Variants in PDS5B observed in about 807,000 individuals in gnomAD.
PDS5B encodes the protein PDS5 cohesin associated factor B.
Under a neutral mutation model 184.1 loss-of-function variants are expected in PDS5B, and 51 were observed. The observed-to-expected ratio is 0.28, with a 90% confidence interval of 0.22 to 0.35. PDS5B has a LOEUF of 0.35. PDS5B is among the 10% of genes least tolerant of loss of function. The probability of loss-of-function intolerance (pLI) is 1.00; values close to 1 mark genes in which losing one functional copy is unlikely to be tolerated. For synonymous variants in PDS5B, 566 were observed against 569.2 expected, an observed-to-expected ratio of 0.99 and a Z score of 0.08; for missense variants, 1,180 against 1,723.3, an observed-to-expected ratio of 0.68 and a Z score of 5.58.
At chr13:32,740,190 TG>T (rs1185491935) in intron 21 of PDS5B, among the ~76,000 whole-genome samples, 6 of 152,310 alleles carry the variant, frequency 3.9e-5, no homozygotes, top group African/African-American at 1.2e-4. Context: ...TTCAGAGCAT[TG>T]TTTTTTTGGC....
At chr13:32,698,339 A>G (rs550998504) in intron 15 of PDS5B, among the ~76,000 whole-genome samples, 1 of 152,280 alleles carries the variant, frequency 6.6e-6, no homozygotes, top group South Asian at 2.1e-4. Flanking sequence ...TTATTTGAAA[A>G]AATACCTTTT....
chr13:32,713,481 A>C (rs1413941890), intron 19 of PDS5B, among the ~76,000 whole-genome samples: 1 of 152,206 alleles, frequency 6.6e-6, no homozygotes, highest in African/African-American at 2.4e-5. Context: ...TGAGAGAAAA[A>C]AGATAACAAA....
chr13:32,663,762 G>A (rs1950713274), intron 6 of PDS5B, among the ~76,000 whole-genome samples: 2 of 152,108 alleles, frequency 1.3e-5, no homozygotes, highest in East Asian at 1.9e-4. Context: ...GTGGTTTTTG[G>A]TTACATGGAT....
intron 31 of PDS5B, among the ~76,000 whole-genome samples, chr13:32,765,860 C>G (rs1484382716): frequency 6.6e-6 from 1 of 152,176 alleles, no homozygotes; most frequent in Non-Finnish European, 1.5e-5. Context: ...CCTTGGCCTC[C>G]CAAAGTGCTG....
At chr13:32,745,193 C>A (rs548388670) in intron 23 of PDS5B, among the ~76,000 whole-genome samples, 4 of 152,296 alleles carry the variant, frequency 2.6e-5, no homozygotes, top group Non-Finnish European at 5.9e-5. Flanking sequence ...CCTCACCACA[C>A]CTGCTTTCAT....
At chr13:32,760,984 T>C (rs1198791501) in intron 30 of PDS5B, among the ~76,000 whole-genome samples, 3 of 152,208 alleles carry the variant, frequency 2.0e-5, no homozygotes, top group Non-Finnish European at 4.4e-5. Context: ...CCTCAGTGTG[T>C]AGCAATTGTA....
chr13:32,770,650 G>A lies in PDS5B; in HGVS notation c.4065-4G>A. On this transcript the variant is annotated splice_region_variant and splice_polypyrimidine_tract_variant and intron_variant, in intron 32 of 34. Coordinates refer to ENST00000315596, the MANE Select transcript of PDS5B (RefSeq NM_015032.4). Reference sequence around the variant, plus strand: ...TATCCACATTTGGGTCTTCCCCAAAGCAGAGCAGAATCTCCTGAATCTAGT... The same window carrying A: ...TATCCACATTTGGGTCTTCCCCAAAACAGAGCAGAATCTCCTGAATCTAGT... 1 of 1,608,622 alleles carries A rather than the reference G, an allele frequency of 6.2e-7. No homozygotes were observed. Among genetic ancestry groups the A allele is most frequent in the South Asian group, 1.1e-5 (1 of 89,540 alleles).
chr13:32,696,989 G>T, intron 15 of PDS5B, 87 bp downstream of exon 15: 1 of 766,624 alleles, frequency 1.3e-6, no homozygotes. Flanking sequence ...TTTTGTTATA[G>T]GCTATGATAA....
In PDS5B at chr13:32,706,024, T is replaced by C. The variant is rs542705053; in HGVS notation, c.1857-910T>C. 2.6e-5 allele frequency among the ~76,000 whole-genome samples: 4 copies of C among 152,180 alleles called. No homozygotes were observed. In the South Asian group the frequency reaches 8.3e-4, roughly 32 times the overall value. ...CGGGCGTGGTGGCTCACATCTGTAATCCCAGCACTTTGAGAGGCAAAGGCG... is the reference window on the plus strand; with the variant it reads ...CGGGCGTGGTGGCTCACATCTGTAACCCCAGCACTTTGAGAGGCAAAGGCG... On this transcript the variant is annotated intron_variant, in intron 17 of 34. Transcript: ENST00000315596.
intron 11 of PDS5B, 123 bp downstream of exon 11, chr13:32,684,146 G>A (rs953256359): frequency 9.8e-6 from 4 of 409,438 alleles, no homozygotes; most frequent in South Asian, 8.0e-5. Flanking sequence ...GGGTATGGAG[G>A]CATTTTAATA....
chr13:32,683,904 C>T lies in PDS5B; in HGVS notation c.1084C>T (p.Pro362Ser), dbSNP rs372718271. 8.1e-6 allele frequency: 13 copies of T among 1,599,178 alleles called. No individual in the cohort carries two copies. Among genetic ancestry groups the T allele is most frequent in the Non-Finnish European group, 1.1e-5 (13 of 1,168,906 alleles). ...GTATCTTAAAGTGAGGTCACATGACCCTGAGGAAGCTATTAGACATGATGT... is the reference window on the plus strand; with the variant it reads ...GTATCTTAAAGTGAGGTCACATGACTCTGAGGAAGCTATTAGACATGATGT... ...TEYLKVRSHD[P>S]EEAIRHDVIV... The change falls in exon 11 of 35, where the codon CCT (proline) becomes TCT (serine). Residue 362 changes from proline to serine, a missense_variant. Transcript: ENST00000315596.
intron 18 of PDS5B, among the ~76,000 whole-genome samples, chr13:32,709,312 G>A (rs1045380590): frequency 6.6e-6 from 1 of 151,830 alleles, no homozygotes; most frequent in Non-Finnish European, 1.5e-5. Context: ...AGTGTGTTGT[G>A]GGGGCAAGGG....
In PDS5B at chr13:32,770,135, G is replaced by A; in HGVS notation, c.3639G>A (p.Lys1213=). 1 of 1,612,028 alleles carries A rather than the reference G, an allele frequency of 6.2e-7. No homozygotes were observed. Among genetic ancestry groups the A allele is most frequent in the Non-Finnish European group, 8.5e-7 (1 of 1,179,300 alleles). ...DSDLVRSELE[K]PRGRKKTPVT... is the part of the protein sequence containing the mutation. Reference sequence around the variant, plus strand: ...TTTTCCCCTAGTCTGAATTGGAGAAGCCTAGAGGCAGGAAAAAAACGCCCG... The same window carrying A: ...TTTTCCCCTAGTCTGAATTGGAGAAACCTAGAGGCAGGAAAAAAACGCCCG... The change falls in exon 32 of 35, where the codon AAG becomes AAA. Residue 1213 remains lysine (K), a synonymous_variant. Coordinates refer to ENST00000315596, the MANE Select transcript of PDS5B (RefSeq NM_015032.4).
intron 25 of PDS5B, among the ~76,000 whole-genome samples, chr13:32,754,136 T>C (rs1954084604): frequency 6.6e-6 from 1 of 152,186 alleles, no homozygotes; most frequent in Admixed American, 6.5e-5. Flanking sequence ...CTCTCCTACC[T>C]TGCTATATTT....
chr13:32,665,918 A>G (rs117051185), intron 6 of PDS5B, among the ~76,000 whole-genome samples: 1,746 of 152,246 alleles, frequency 0.011, 15 homozygotes, highest in Non-Finnish European at 0.017. Flanking sequence ...AGGAAGACAA[A>G]TATGTTTTCA....
chr13:32,752,688 A>G (rs1234304837), intron 24 of PDS5B, among the ~76,000 whole-genome samples: 1 of 151,888 alleles, frequency 6.6e-6, no homozygotes. Context: ...CTAGGAGACT[A>G]GGGGTGGGTA....
At chr13:32,676,639 A>G (rs939533253) in intron 9 of PDS5B, among the ~76,000 whole-genome samples, 1 of 152,148 alleles carries the variant, frequency 6.6e-6, no homozygotes, top group African/African-American at 2.4e-5. Flanking sequence ...AGTCATAAAC[A>G]AACAAGATCT....
intron 24 of PDS5B, among the ~76,000 whole-genome samples, chr13:32,752,308 T>C (rs1429031857): frequency 2.0e-5 from 3 of 152,196 alleles, no homozygotes; most frequent in Non-Finnish European, 2.9e-5. Context: ...GGTATCTATA[T>C]ATAGAAAAAC....
At chr13:32,613,521 G>T (rs981153512) in intron 1 of PDS5B, among the ~76,000 whole-genome samples, 1 of 151,980 alleles carries the variant, frequency 6.6e-6, no homozygotes, top group Non-Finnish European at 1.5e-5. Flanking sequence ...TTGTATATTG[G>T]CTATTTGTAT....
Sources: allele counts gnomAD v4.1 joint callset (sites outside exome capture counted in the v4.1 genomes callset), GRCh38; gene constraint gnomAD v4.1.1; transcripts MANE v1.5; gene names NCBI Gene and HGNC (gene_info 2026-07-23, HGNC 2026-07-21).